LRMDA: variants seen among roughly 807,000 people sequenced by gnomAD.
LRMDA encodes the protein leucine rich melanocyte differentiation associated.
LRMDA carries 18 observed loss-of-function variants against 29.8 expected under a neutral mutation model. That is an observed-to-expected ratio of 0.60 (90% confidence interval 0.42 to 0.90). The LOEUF (loss-of-function observed/expected upper bound fraction) is 0.90. LRMDA is among the 40% of genes least tolerant of loss of function. LRMDA has a pLI of 0.00. For synonymous variants in LRMDA, 125 were observed against 109.4 expected, an observed-to-expected ratio of 1.14 and a Z score of -0.89; for missense variants, 273 against 273.9, an observed-to-expected ratio of 1.00 and a Z score of 0.02.
intron 6 of LRMDA, among the ~76,000 whole-genome samples, chr10:76,367,151 T>C (rs1282790803): frequency 1.3e-5 from 2 of 152,212 alleles, no homozygotes; most frequent in Non-Finnish European, 2.9e-5. Flanking sequence ...TGGATTTCGC[T>C]AGCTAGTATT....
intron 2 of LRMDA, among the ~76,000 whole-genome samples, chr10:75,638,722 C>A (rs1307981008): frequency 1.3e-5 from 2 of 152,184 alleles, no homozygotes; most frequent in African/African-American, 4.8e-5. Flanking sequence ...AAATATATCA[C>A]TGTAAAATAT....
chr10:75,721,938 C>A (rs900098852), intron 2 of LRMDA, among the ~76,000 whole-genome samples: 1 of 152,094 alleles, frequency 6.6e-6, no homozygotes, highest in Non-Finnish European at 1.5e-5. Context: ...GTGGTTATGA[C>A]GAGTTGAGGA....
chr10:76,402,290 CTG>C (rs1841857561), intron 6 of LRMDA: 1 of 152,226 alleles, frequency 6.6e-6, no homozygotes, highest in African/African-American at 2.4e-5. Flanking sequence ...AGCCTAGAGA[CTG>C]TGGAAGAGAG....
rs1484808913 is a variant in LRMDA at position 76,557,610 on chromosome 10, CAG to C, written c.*323_*324del. On this transcript the variant is annotated 3_prime_UTR_variant, in exon 7 of 7. Transcript: ENST00000611255. ...GATTGCCTGGTCCTGCCACTGCTCA[CAG>C]GGGAGCAGAGGTCACACCTGGGGCC... The C allele has an allele frequency of 5.6e-6, 2 of 356,356 alleles. No homozygotes were observed. Among genetic ancestry groups the C allele is most frequent in the African/African-American group, 4.2e-5 (2 of 48,116 alleles). The allele number at this position is 356,356 out of a possible 1,614,324, so 22.1% of individuals were successfully genotyped here.
At chr10:76,231,097 T>C (rs368307901) in intron 5 of LRMDA, among the ~76,000 whole-genome samples, 1 of 151,164 alleles carries the variant, frequency 6.6e-6, no homozygotes, top group African/African-American at 2.4e-5. Flanking sequence ...AGCAAAGGCA[T>C]GCAAATTGAA....
chr10:76,543,041 C>T (rs1318313137), intron 6 of LRMDA, among the ~76,000 whole-genome samples: 4 of 152,080 alleles, frequency 2.6e-5, no homozygotes, highest in African/African-American at 7.2e-5. Context: ...GCTTAAGGCT[C>T]ACAAGGTGTC....
At chr10:76,309,450 T>G (rs938906307) in intron 5 of LRMDA, among the ~76,000 whole-genome samples, 7 of 152,118 alleles carry the variant, frequency 4.6e-5, no homozygotes, top group Admixed American at 3.9e-4. Context: ...GGAAAGCCTC[T>G]GATCTGTCAG....
At chr10:75,782,090 A>G (rs1478222177) in intron 2 of LRMDA, among the ~76,000 whole-genome samples, 1 of 152,230 alleles carries the variant, frequency 6.6e-6, no homozygotes, top group Non-Finnish European at 1.5e-5. Flanking sequence ...AAGATTTAAA[A>G]GGAATTGTTG....
intron 1 of LRMDA, among the ~76,000 whole-genome samples, chr10:75,432,647 T>C (rs1844213881): frequency 6.6e-6 from 1 of 152,236 alleles, no homozygotes; most frequent in South Asian, 2.1e-4. Context: ...AGCTCTCCTC[T>C]TGGATTGCCT....
chr10:75,943,882 C>T (rs1434717677), intron 2 of LRMDA, among the ~76,000 whole-genome samples: 1 of 152,166 alleles, frequency 6.6e-6, no homozygotes, highest in African/African-American at 2.4e-5. Flanking sequence ...CTCTGCTCTG[C>T]TGTCTCACAT....
intron 5 of LRMDA, among the ~76,000 whole-genome samples, chr10:76,317,380 C>A (rs557305985): frequency 6.6e-6 from 1 of 152,210 alleles, no homozygotes; most frequent in South Asian, 2.1e-4. Flanking sequence ...TCGTATTTTT[C>A]CTCCCTTTTT....
intron 5 of LRMDA, among the ~76,000 whole-genome samples, chr10:76,256,921 T>G (rs1293933682): frequency 6.6e-6 from 1 of 152,168 alleles, no homozygotes; most frequent in Middle Eastern, 3.2e-3. Flanking sequence ...TATTTCTGCA[T>G]TTGAACAATA....
At chr10:75,981,658 C>T (rs533882199) in intron 2 of LRMDA, among the ~76,000 whole-genome samples, 1 of 151,996 alleles carries the variant, frequency 6.6e-6, no homozygotes, top group Non-Finnish European at 1.5e-5. Context: ...TCGAGACCAT[C>T]CTGGCCAACT....
intron 5 of LRMDA, among the ~76,000 whole-genome samples, chr10:76,310,918 A>G (rs1564719777): frequency 6.6e-6 from 1 of 152,244 alleles, no homozygotes; most frequent in Non-Finnish European, 1.5e-5. Flanking sequence ...AAAGGGAATC[A>G]GGAAGATTGG....
intron 2 of LRMDA, among the ~76,000 whole-genome samples, chr10:75,771,759 TCAGA>T (rs1184394769): frequency 6.6e-6 from 1 of 152,018 alleles, no homozygotes; most frequent in African/African-American, 2.4e-5. Context: ...GGTGTGGCAG[TCAGA>T]CAGAGGTGGG....
At chr10:76,485,111 A>G (rs1020121488) in intron 6 of LRMDA, among the ~76,000 whole-genome samples, 2 of 151,770 alleles carry the variant, frequency 1.3e-5, no homozygotes, top group Non-Finnish European at 2.9e-5. Context: ...TATAATAGGT[A>G]TATTTAGACT....
At chr10:76,545,401 AC>A (rs1843408179) in intron 6 of LRMDA, among the ~76,000 whole-genome samples, 1 of 150,758 alleles carries the variant, frequency 6.6e-6, no homozygotes, top group Admixed American at 6.6e-5. Context: ...CTGCAGGAGG[AC>A]CCCCACTGCT....
chr10:75,664,065 A>T (rs1189321792), intron 2 of LRMDA, among the ~76,000 whole-genome samples: 1 of 152,200 alleles, frequency 6.6e-6, no homozygotes, highest in Non-Finnish European at 1.5e-5. Flanking sequence ...TACTTTGGCC[A>T]GTACTGTTCT....
intron 2 of LRMDA, among the ~76,000 whole-genome samples, chr10:76,032,768 G>A (rs941439743): frequency 1.3e-5 from 2 of 152,084 alleles, no homozygotes; most frequent in Non-Finnish European, 2.9e-5. Flanking sequence ...CCAGCTGGCT[G>A]TGCCTAGGTC....
Sources: gnomAD v4.1 joint callset for allele counts (sites outside exome capture counted in the v4.1 genomes callset) on GRCh38, gnomAD v4.1.1 for gene constraint, MANE v1.5 for transcripts, NCBI Gene and HGNC (gene_info 2026-07-23, HGNC 2026-07-21) for gene names.